The following ACSL4 variants were observed in gnomAD, a reference collection of about 807,000 sequenced individuals.
ACSL4 encodes the protein acyl-CoA synthetase long chain family member 4.
A neutral mutation model predicts 49.1 loss-of-function variants in ACSL4; 9 were observed. The observed-to-expected ratio is 0.18, with a 90% CI of 0.11 to 0.32. ACSL4 has a LOEUF of 0.32. ACSL4 is among the 10% of genes least tolerant of loss of function. The pLI, the probability that ACSL4 is intolerant of heterozygous loss-of-function variation, is 1.00. For synonymous variants in ACSL4, 191 were observed against 170.3 expected, an observed-to-expected ratio of 1.12 and a Z score of -0.95; for missense variants, 333 against 493.7, an observed-to-expected ratio of 0.67 and a Z score of 3.08.
At chrX:109,648,677 C>T (rs898148647) in intron 15 of ACSL4, among the ~76,000 whole-genome samples, 2 of 109,703 alleles carry the variant, frequency 1.8e-5, no homozygotes, top group African/African-American at 6.7e-5. Context: ...CTGGCCAGGG[C>T]GATCAGGCAG....
intron 1 of ACSL4, among the ~76,000 whole-genome samples, chrX:109,730,092 C>G (rs895983447): frequency 7.1e-5 from 8 of 111,990 alleles, no homozygotes; most frequent in Non-Finnish European, 1.1e-4. Flanking sequence ...TACATACATG[C>G]AAATGACTGC....
intron 1 of ACSL4, among the ~76,000 whole-genome samples, chrX:109,711,154 T>G (rs1253643488): frequency 8.9e-6 from 1 of 112,982 alleles, no homozygotes; most frequent in Admixed American, 9.3e-5. Flanking sequence ...CCATCTATGG[T>G]TTTTTGGAAA....
rs1923077291 is a variant in ACSL4 at position 109,670,421 on chromosome X, C to G, written c.1003-1248G>C. Among the ~76,000 whole-genome samples, 5 of 109,056 alleles carry G rather than the reference C, an allele frequency of 4.6e-5. No individual in the cohort carries two copies. In the South Asian group the frequency reaches 2.0e-3, roughly 44 times the overall value. The allele number at this position is 109,056 out of a possible 115,157, so 94.7% of individuals were successfully genotyped here. A position where few individuals can be genotyped will look rare whatever the true frequency, so the allele number is the denominator to read the frequency against. ...CCAAGATGGTGAAACCCCGTCTCTA[C>G]CAAAAATACAAAAATTAGCCGGGCG... On this transcript the variant is annotated intron_variant, in intron 9 of 15. Transcript: ENST00000672401.
chrX:109,670,871 C>G (rs923266658), intron 9 of ACSL4, among the ~76,000 whole-genome samples: 2 of 112,712 alleles, frequency 1.8e-5, no homozygotes, highest in Non-Finnish European at 3.8e-5. Flanking sequence ...GAGTGATCTG[C>G]CAGCCTCGGC....
intron 1 of ACSL4, among the ~76,000 whole-genome samples, chrX:109,708,956 T>C (rs1926556640): frequency 9.0e-6 from 1 of 111,576 alleles, no homozygotes; most frequent in Admixed American, 9.6e-5. Context: ...AGCCAGACAA[T>C]CATGAGGGGT....
chrX:109,685,596 C>A (rs1924549920), intron 2 of ACSL4, among the ~76,000 whole-genome samples: 1 of 111,143 alleles, frequency 9.0e-6, no homozygotes, highest in Non-Finnish European at 1.9e-5. Flanking sequence ...TGTTTTTATA[C>A]CATCTAATAT....
intron 12 of ACSL4, 108 bp from the exon 13 acceptor site, chrX:109,663,510 T>G (rs1488233255): frequency 2.3e-5 from 16 of 684,525 alleles, no homozygotes; most frequent in Non-Finnish European, 3.6e-5. Flanking sequence ...TTATATCACT[T>G]TATGAGAGAA....
At chrX:109,644,344 C>G (rs964313486) in intron 15 of ACSL4, among the ~76,000 whole-genome samples, 158 bp from the exon 16 acceptor site, 5 of 110,375 alleles carry the variant, frequency 4.5e-5, no homozygotes, top group Non-Finnish European at 9.5e-5. Flanking sequence ...CCAATCACCA[C>G]AAACTTATTT....
rs370275271 is a variant in ACSL4, at chrX:109,692,259, A to G, written c.-13+3885T>C. On this transcript the variant is annotated intron_variant, in intron 2 of 15. Coordinates refer to ENST00000672401, the MANE Select transcript of ACSL4 (RefSeq NM_001318510.2). ...CCTATCTATGTATGTTAAAATGAGG[A>G]GCTCTAGGAGTCAATGTTGATGCCT... 3 of 111,702 alleles carry G rather than the reference A, an allele frequency of 2.7e-5. No homozygotes were observed. In the East Asian group the frequency reaches 8.3e-4, roughly 31 times the overall value. The allele number at this position is 111,702 out of a possible 1,213,427, so 9.2% of individuals were successfully genotyped here.
intron 2 of ACSL4, among the ~76,000 whole-genome samples, chrX:109,693,980 A>C (rs1925236200): frequency 8.9e-6 from 1 of 112,097 alleles, no homozygotes; most frequent in Non-Finnish European, 1.9e-5. Context: ...TAACTATAGA[A>C]GTTTGAATAC....
chrX:109,705,380 G>A (rs772704983), intron 1 of ACSL4, among the ~76,000 whole-genome samples: 1 of 111,801 alleles, frequency 8.9e-6, no homozygotes, highest in East Asian at 2.8e-4. Flanking sequence ...AAGACACAGG[G>A]AACCAGTGAG....
At position 109,673,395 on chromosome X, in the gene ACSL4, T is replaced by C. The variant is rs755842729; in HGVS notation, c.1002+1007A>G. Among the ~76,000 whole-genome samples the C allele has an allele frequency of 4.5e-5, 5 of 112,005 alleles. No homozygotes were observed. The East Asian group carries it at 1.4e-3, about 31-fold the overall frequency. Reference sequence around the variant, plus strand: ...CAGTCTTAGAATTAAGTGAGATAATTTATCTAAGGCATTTTGCACAGTGCC... The same window carrying C: ...CAGTCTTAGAATTAAGTGAGATAATCTATCTAAGGCATTTTGCACAGTGCC... On this transcript the variant is annotated intron_variant, in intron 9 of 15. Coordinates refer to ENST00000672401, the MANE Select transcript of ACSL4 (RefSeq NM_001318510.2).
In ACSL4 at chrX:109,671,466, C is replaced by T. The variant is rs183792024; in HGVS notation, c.1003-2293G>A. Among the ~76,000 whole-genome samples the T allele has an allele frequency of 6.3e-3, 686 of 108,545 alleles. 9 individuals are homozygous for T. The highest frequency in any genetic ancestry group is 0.02 in the African/African-American group (598 of 29,817). The allele number at this position is 108,545 out of a possible 115,157, so 94.3% of individuals were successfully genotyped here. A position where few individuals can be genotyped will look rare whatever the true frequency, so the allele number is the denominator to read the frequency against. On this transcript the variant is annotated intron_variant, in intron 9 of 15. Coordinates refer to ENST00000672401, the MANE Select transcript of ACSL4 (RefSeq NM_001318510.2). Reference sequence around the variant, plus strand: ...CATCCGGGAGGTGGGGGGCAGCCCCCGCCCGACCAGCCACCCCGTCCGGGA... The same window carrying T: ...CATCCGGGAGGTGGGGGGCAGCCCCTGCCCGACCAGCCACCCCGTCCGGGA...
intron 1 of ACSL4, among the ~76,000 whole-genome samples, chrX:109,731,264 TG>T (rs1384409032): frequency 9.0e-6 from 1 of 110,545 alleles, no homozygotes; most frequent in East Asian, 2.8e-4. Flanking sequence ...TATACACGTG[TG>T]TATATATATA....
At chrX:109,690,600 A>C (rs1924965479) in intron 2 of ACSL4, among the ~76,000 whole-genome samples, 1 of 111,168 alleles carries the variant, frequency 9.0e-6, no homozygotes, top group Non-Finnish European at 1.9e-5. Flanking sequence ...GATTCGAACC[A>C]GGTCGCTTTG....
At chrX:109,658,742 A>G (rs1475902257) in intron 15 of ACSL4, among the ~76,000 whole-genome samples, 1 of 111,437 alleles carries the variant, frequency 9.0e-6, no homozygotes, top group African/African-American at 3.3e-5. Flanking sequence ...TGTCCTCCCA[A>G]GTAGGTTAGG....
chrX:109,703,180 A>T (rs1466122560), intron 1 of ACSL4, among the ~76,000 whole-genome samples: 2 of 112,191 alleles, frequency 1.8e-5, no homozygotes, highest in Non-Finnish European at 3.8e-5. Flanking sequence ...TAACTAGGTG[A>T]TCAGAGTTAC....
intron 1 of ACSL4, among the ~76,000 whole-genome samples, chrX:109,701,950 C>T (rs1481905125): frequency 9.6e-6 from 1 of 103,677 alleles, no homozygotes; most frequent in African/African-American, 3.5e-5. Context: ...TGGCTCACGC[C>T]TGTAATCCCA....
intron 1 of ACSL4, among the ~76,000 whole-genome samples, chrX:109,709,973 T>C (rs1203223974): frequency 9.0e-6 from 1 of 111,159 alleles, no homozygotes; most frequent in East Asian, 2.8e-4. Context: ...GGCCTGGTGG[T>C]GCATGCCTGT....
Sources: gnomAD v4.1 joint callset for allele counts (sites outside exome capture counted in the v4.1 genomes callset) on GRCh38, gnomAD v4.1.1 for gene constraint, MANE v1.5 for transcripts, NCBI Gene and HGNC (gene_info 2026-07-23, HGNC 2026-07-21) for gene names.